SEMA4F: variants seen among roughly 807,000 people sequenced by gnomAD.
SEMA4F encodes ssemaphorin 4F, also known as semaphorin-4F.
Under a neutral mutation model 78.4 loss-of-function variants are expected in SEMA4F, and 51 were observed. That is an observed-to-expected ratio of 0.65 (90% CI 0.52 to 0.82). The LOEUF (loss-of-function observed/expected upper bound fraction) is 0.82. Ranked by LOEUF, SEMA4F falls within the 40% of genes least tolerant of loss-of-function variation. The probability of loss-of-function intolerance (pLI) is 0.00; values close to 1 mark genes in which losing one functional copy is unlikely to be tolerated. For synonymous variants in SEMA4F, 418 were observed against 408.7 expected, an observed-to-expected ratio of 1.02 and a Z score of -0.27; for missense variants, 938 against 1,014.4, an observed-to-expected ratio of 0.92 and a Z score of 1.02.
chr2:74,709,184 C>G, the SEMA4F span, among the ~76,000 whole-genome samples: 6 of 152,136 alleles, frequency 3.9e-5, no homozygotes, highest in African/African-American at 1.4e-4. Context: ...TGACAAAGCA[C>G]ATCATAATCA....
chr2:74,659,511 T>A (rs1684328103), intron 4 of SEMA4F, among the ~76,000 whole-genome samples: 1 of 152,172 alleles, frequency 6.6e-6, no homozygotes, highest in African/African-American at 2.4e-5. Context: ...GGGGTCTGTG[T>A]CCTGAGCTCC....
chr2:74,657,667 C>T, intron 3 of SEMA4F, 43 bp downstream of exon 3: 1 of 1,591,164 alleles, frequency 6.3e-7, no homozygotes, highest in Non-Finnish European at 8.6e-7. Context: ...CAGTTGAGAC[C>T]TTGGCCCAGC....
intron 1 of SEMA4F, 93 bp downstream of exon 1, chr2:74,654,614 T>C: frequency 8.6e-7 from 1 of 1,168,366 alleles, no homozygotes; most frequent in Non-Finnish European, 1.1e-6. Flanking sequence ...GACCCGGGCC[T>C]CTCAGCCTGG....
chr2:74,662,329 C>T (rs919551427), intron 4 of SEMA4F, among the ~76,000 whole-genome samples: 1 of 152,142 alleles, frequency 6.6e-6, no homozygotes, highest in Non-Finnish European at 1.5e-5. Flanking sequence ...CCTCAGGAGG[C>T]CTGCTTTCTT....
At chr2:74,701,149 G>A in the SEMA4F span, among the ~76,000 whole-genome samples, 13 of 152,206 alleles carry the variant, frequency 8.5e-5, no homozygotes, top group African/African-American at 2.4e-4. Context: ...GAGCTGGAAC[G>A]GGCATGGAGG....
chr2:74,674,659 C>T lies in SEMA4F; in HGVS notation c.984C>T (p.Gly328=). Residue 328 remains glycine, a synonymous_variant, in exon 8 of 14, where the codon GGC becomes GGT. Transcript: ENST00000357877. ...ELGAGTPIFY[G]IFSSQWEGAT... is the part of the protein sequence containing the mutation. ...GGGCAGGGACTCCCATCTTTTATGG[C>T]ATCTTTTCTTCCCAGTGGTGAGGGG... is the stretch of plus-strand genomic sequence containing the variant. The T allele has an allele frequency of 1.2e-6, 2 of 1,613,934 alleles. No homozygotes were observed. The highest frequency in any genetic ancestry group is 2.2e-5 in the East Asian group (1 of 44,872).
chr2:74,657,745 A>G, intron 3 of SEMA4F, 108 bp from the exon 4 acceptor site: 1 of 1,361,498 alleles, frequency 7.3e-7, no homozygotes, highest in Non-Finnish European at 1.1e-6. Flanking sequence ...ACACCATGCC[A>G]TCACCCATCA....
chr2:74,685,087 T>TA (rs1364236853), downstream of SEMA4F, among the ~76,000 whole-genome samples: 3 of 152,376 alleles, frequency 2.0e-5, no homozygotes, highest in Admixed American at 2.0e-4. Flanking sequence ...TTTGCACTCA[T>TA]AATCTCACTC....
chr2:74,688,149 G>A (rs1238330215), downstream of SEMA4F, among the ~76,000 whole-genome samples: 3 of 152,148 alleles, frequency 2.0e-5, no homozygotes, highest in African/African-American at 7.2e-5. Context: ...GTTTGTAGCT[G>A]AGTTGTGACT....
At chr2:74,684,041 G>T (rs560102471), downstream of SEMA4F, among the ~76,000 whole-genome samples, 2 of 151,644 alleles carry the variant, frequency 1.3e-5, no homozygotes, top group South Asian at 4.2e-4. Flanking sequence ...TTTTGCAGGA[G>T]TCATCCCCCT....
At position 74,673,455 on chromosome 2, in the gene SEMA4F, A is replaced by AT; in HGVS notation, c.551-2_551-1insT. The AT allele has an allele frequency of 6.2e-7, 1 of 1,613,774 alleles. No homozygotes were observed. The highest frequency in any genetic ancestry group is 1.1e-5 in the South Asian group (1 of 91,038). On this transcript the variant is annotated splice_acceptor_variant, in intron 5 of 13. Coordinates refer to ENST00000357877, the MANE Select transcript of SEMA4F (RefSeq NM_004263.5). LOFTEE classifies it high-confidence loss of function. ...GCCCATCTCCTCCCTGTCGCCCTGC[A>AT]GGGGGGGTCCTCTATGCTGCCACTG...
At chr2:74,706,183 A>G in the SEMA4F span, among the ~76,000 whole-genome samples, 1 of 152,212 alleles carries the variant, frequency 6.6e-6, no homozygotes, top group South Asian at 2.1e-4. Flanking sequence ...AATTTTTACC[A>G]TAATTGCATG....
chr2:74,680,626 C>T lies in SEMA4F; in HGVS notation c.*417C>T, dbSNP rs144862383. ...TGTGCCCTGAGTCCTTGGGGTGGTT[C>T]TGCTTATTCTTCAAGTTTATCTGAA... On this transcript the variant is annotated 3_prime_UTR_variant, in exon 14 of 14. Transcript: ENST00000357877. 1.7e-3 allele frequency: 279 copies of T among 163,566 alleles called. No homozygotes were observed. The highest frequency in any genetic ancestry group is 3.1e-3 in the South Asian group (17 of 5,416). 10.1% of individuals were successfully genotyped at this position (163,566 alleles called of 1,614,324 possible). A position where few individuals can be genotyped will look rare whatever the true frequency, so the allele number is the denominator to read the frequency against.
chr2:74,678,335 A>G (rs1685402905), intron 12 of SEMA4F, among the ~76,000 whole-genome samples: 1 of 152,150 alleles, frequency 6.6e-6, no homozygotes, highest in Admixed American at 6.5e-5. Flanking sequence ...CAGTTCATCC[A>G]AGGGAGAAGA....
At chr2:74,673,617 G>A in intron 6 of SEMA4F, 41 bp downstream of exon 6, 1 of 1,613,474 alleles carries the variant, frequency 6.2e-7, no homozygotes, top group Non-Finnish European at 8.5e-7. Flanking sequence ...GACCGATGGG[G>A]TGGAGTCTGG....
At chr2:74,670,132 T>C (rs913435569) in intron 5 of SEMA4F, among the ~76,000 whole-genome samples, 1 of 152,186 alleles carries the variant, frequency 6.6e-6, no homozygotes, top group South Asian at 2.1e-4. Flanking sequence ...TCAGCAATAA[T>C]TTGCCAAACA....
At chr2:74,666,140 T>C (rs1684688304) in intron 5 of SEMA4F, among the ~76,000 whole-genome samples, 1 of 152,170 alleles carries the variant, frequency 6.6e-6, no homozygotes, top group African/African-American at 2.4e-5. Context: ...ACTCCTGACC[T>C]CATGATCTGC....
chr2:74,680,731 T>G lies in SEMA4F; in HGVS notation c.*522T>G, dbSNP rs1265086465. On this transcript the variant is annotated 3_prime_UTR_variant, in exon 14 of 14. Transcript: ENST00000357877. ...CTTCCCCATCTCAGTTTTCCTTCCA[T>G]GAAAGAGTACGTGTAAATACATAGT... 6.5e-6 allele frequency: 1 copy of G among 153,784 alleles called. No homozygotes were observed. The highest frequency in any genetic ancestry group is 1.4e-5 in the Non-Finnish European group (1 of 69,208). 9.5% of individuals were successfully genotyped at this position (153,784 alleles called of 1,614,324 possible). A position where few individuals can be genotyped will look rare whatever the true frequency, so the allele number is the denominator to read the frequency against.
chr2:74,663,002 G>T (rs550093613), intron 5 of SEMA4F, among the ~76,000 whole-genome samples, 177 bp downstream of exon 5: 1 of 152,230 alleles, frequency 6.6e-6, no homozygotes, highest in South Asian at 2.1e-4. Context: ...TCCCCACCTA[G>T]TATGATATCC....
Sources: gnomAD v4.1 joint callset for allele counts (sites outside exome capture counted in the v4.1 genomes callset) on GRCh38, gnomAD v4.1.1 for gene constraint, MANE v1.5 for transcripts, NCBI Gene and HGNC (gene_info 2026-07-23, HGNC 2026-07-21) for gene names.